Variants in DOCK6 observed in about 807,000 individuals in gnomAD.
The protein encoded by DOCK6 is dedicator of cytokinesis protein 6.
DOCK6 carries 167 observed loss-of-function variants against 230.3 expected under a neutral mutation model. The observed-to-expected ratio is 0.73, with a 90% CI of 0.64 to 0.82. The LOEUF is 0.82. DOCK6 is among the 40% of genes least tolerant of loss of function. DOCK6 has a pLI of 0.00. For synonymous variants in DOCK6, 1,148 were observed against 1,185.0 expected (o/e 0.97, Z 0.64); for missense variants, 2,598 against 2,825.8 (o/e 0.92, Z 1.83).
Position 11,208,735 on chromosome 19 carries a change from T to C in DOCK6, c.5039A>G (p.Glu1680Gly). Residue 1680 changes from glutamate to glycine, a missense_variant, in exon 39 of 48, where the codon GAG becomes GGG. Coordinates refer to ENST00000294618, the MANE Select transcript of DOCK6 (RefSeq NM_020812.4). Reference sequence around the variant, plus strand: ...TTCCAGCAACCCTACCAGCCCCAGCTCAGTGAAGTGCTTCCCGGAGCAGAA... The same window carrying C: ...TTCCAGCAACCCTACCAGCCCCAGCCCAGTGAAGTGCTTCCCGGAGCAGAA... ...EGFCSGKHFT[E>G]LGLVGLLEQA... The C allele has an allele frequency of 6.2e-7, 1 of 1,613,620 alleles. No homozygotes were observed. The highest frequency in any genetic ancestry group is 1.1e-5 in the South Asian group (1 of 91,086).
chr19:11,252,181 G>A lies in DOCK6; in HGVS notation c.445C>T (p.Leu149Phe). The change falls in exon 5 of 48, where the codon CTC (leucine) becomes TTC (phenylalanine). Residue 149 changes from leucine to phenylalanine, a missense_variant. Coordinates refer to ENST00000294618, the MANE Select transcript of DOCK6 (RefSeq NM_020812.4). ...TDTQRERQKG[L>F]PRQVFEQDAS... The stretch of plus-strand genomic sequence containing the variant: ...TCCTGCTCAAAGACCTGGCGGGGGA[G>A]GCCCTTCTGTCGCTCCCGCTGTGTG... 1 of 1,583,868 alleles carries A rather than the reference G, an allele frequency of 6.3e-7. No individual in the cohort carries two copies. Among genetic ancestry groups the A allele is most frequent in the South Asian group, 1.2e-5 (1 of 86,676 alleles).
At chr19:11,212,462 G>A (rs919633597) in intron 35 of DOCK6, among the ~76,000 whole-genome samples, 2 of 151,894 alleles carry the variant, frequency 1.3e-5, no homozygotes, top group South Asian at 2.1e-4. Flanking sequence ...TGCTGGTCTC[G>A]AACTCCTGAA....
chr19:11,227,362 A>G lies in DOCK6; in HGVS notation c.2930T>C (p.Leu977Pro). Residue 977 changes from leucine to proline, a missense_variant, in exon 24 of 48, where the codon CTG becomes CCG. Coordinates refer to ENST00000294618, the MANE Select transcript of DOCK6 (RefSeq NM_020812.4). ...CTTGTGGACACGGGTGATGACCTCCAGGCCCACAGAGCCCACCAAGGCAGT... is the reference window on the plus strand; with the variant it reads ...CTTGTGGACACGGGTGATGACCTCCGGGCCCACAGAGCCCACCAAGGCAGT... Reference protein sequence around the residue: ...DITALVGSVGLEVITRVHKDV... With the variant: ...DITALVGSVGPEVITRVHKDV... The G allele has an allele frequency of 6.2e-7, 1 of 1,613,840 alleles. No homozygotes were observed. The highest frequency in any genetic ancestry group is 8.5e-7 in the Non-Finnish European group (1 of 1,179,874).
chr19:11,201,006 T>G lies in DOCK6; in HGVS notation c.5735A>C (p.Lys1912Thr), dbSNP rs772984353. Residue 1912 changes from lysine to threonine, a missense_variant, in exon 45 of 48, where the codon AAG becomes ACG. Transcript: ENST00000294618. The surrounding 1 kb of genome is among the most constrained non-coding windows in gnomAD (Gnocchi z 4.3). ...GGTGGCAAAGGCCAGCTCCCGTGTC[T>G]TCTTCTGCATGTCCTCGATGGCCAC... ...VEVAIEDMQK[K>T]TRELAFATEQ... 1.9e-5 allele frequency: 31 copies of G among 1,613,806 alleles called. No homozygotes were observed. Among genetic ancestry groups the G allele is most frequent in the Middle Eastern group, 1.6e-4 (1 of 6,084 alleles).
At chr19:11,240,906 T>C (rs2079933373) in intron 14 of DOCK6, among the ~76,000 whole-genome samples, 1 of 152,026 alleles carries the variant, frequency 6.6e-6, no homozygotes, top group Non-Finnish European at 1.5e-5. Flanking sequence ...GGTAACATTT[T>C]GTGAGCACCC....
chr19:11,222,140 G>C lies in DOCK6; in HGVS notation c.3349C>G (p.Leu1117Val). 2.5e-6 allele frequency: 4 copies of C among 1,612,900 alleles called. No homozygotes were observed. Among genetic ancestry groups the C allele is most frequent in the Non-Finnish European group, 3.4e-6 (4 of 1,179,520 alleles). Residue 1117 changes from leucine to valine, a missense_variant, in exon 27 of 48, where the codon CTG (leucine) becomes GTG (valine). By Grantham distance (32) the Leu-to-Val change is conservative. Coordinates refer to ENST00000294618, the MANE Select transcript of DOCK6 (RefSeq NM_020812.4). The surrounding 1 kb of genome is among the most constrained non-coding windows in gnomAD (Gnocchi z 4.0). ...HFLAGLLLTELALALEPEAEG... is the reference protein window; with the variant it reads ...HFLAGLLLTEVALALEPEAEG... ...GCCTCAGGTTCGAGGGCCAGTGCCA[G>C]CTCCGTCAGCAGGAGCCCAGCTAGG...
rs1359584377 is a variant in DOCK6, at chr19:11,252,845, G to A, written c.246C>T (p.Asp82=). ...LRDLVEFPAD[D]LELLLQPREC... The stretch of plus-strand genomic sequence containing the variant: ...CCCGGGGCTGCAGCAGCAGCTCCAA[G>A]TCATCAGCTGGGAATTCTACCAGGT... The change falls in exon 3 of 48, where the codon GAC becomes GAT. Residue 82 remains aspartate, a synonymous_variant. Coordinates refer to ENST00000294618, the MANE Select transcript of DOCK6 (RefSeq NM_020812.4). 1 of 1,613,876 alleles carries A rather than the reference G, an allele frequency of 6.2e-7. No homozygotes were observed. Among genetic ancestry groups the A allele is most frequent in the South Asian group, 1.1e-5 (1 of 91,086 alleles).
At chr19:11,205,596 A>G (rs1465646243) in intron 39 of DOCK6, among the ~76,000 whole-genome samples, 1 of 148,576 alleles carries the variant, frequency 6.7e-6, no homozygotes, top group Non-Finnish European at 1.5e-5. Context: ...ACCCACCTCG[A>G]CCTCTCAAAG....
intron 28 of DOCK6, among the ~76,000 whole-genome samples, chr19:11,218,105 C>T (rs1028779548): frequency 1.3e-5 from 2 of 152,010 alleles, no homozygotes; most frequent in African/African-American, 2.4e-5. Flanking sequence ...CCGTCTCAGC[C>T]TTCCAAAGTG....
chr19:11,213,415 C>T, intron 34 of DOCK6, 87 bp from the exon 35 acceptor site: 2 of 1,522,276 alleles, frequency 1.3e-6, no homozygotes, highest in East Asian at 2.5e-5. Flanking sequence ...ACTGCTTGGG[C>T]AGGGGTTTGT....
In DOCK6 at chr19:11,262,513, C is replaced by A; in HGVS notation, c.-73G>T. The A allele has an allele frequency of 2.1e-6, 2 of 963,140 alleles. No individual in the cohort carries two copies. The highest frequency in any genetic ancestry group is 9.3e-5 in the South Asian group (2 of 21,562). 59.7% of individuals were successfully genotyped at this position (963,140 alleles called of 1,614,324 possible). A position where few individuals can be genotyped will look rare whatever the true frequency, so the allele number is the denominator to read the frequency against. ...GCCGCCGCCTCCCGGTTCTGGGCAG[C>A]CGGGGCGGGGCGGGGCCGGCGCGGG... On this transcript the variant is annotated 5_prime_UTR_variant, in exon 1 of 48. Transcript: ENST00000294618.
At chr19:11,210,452 GCCTGTTCACCCCTTCA>G (rs2079359100) in intron 37 of DOCK6, among the ~76,000 whole-genome samples, 1 of 104,968 alleles carries the variant, frequency 9.5e-6, no homozygotes, top group African/African-American at 3.8e-5. Flanking sequence ...CTGTCTCCTT[GCCTGTTCACCCCTTCA>G]CCTGTCCACC....
chr19:11,245,216 C>T (rs1044384594), intron 9 of DOCK6, among the ~76,000 whole-genome samples: 1 of 152,198 alleles, frequency 6.6e-6, no homozygotes, highest in African/African-American at 2.4e-5. Flanking sequence ...CTCCCAGAAA[C>T]AGAAAATCTC....
Position 11,202,409 on chromosome 19 carries a change from C to G in DOCK6, c.5436G>C (p.Lys1812Asn), listed in dbSNP as rs374823959. The change falls in exon 43 of 48, where the codon AAG (lysine) becomes AAC (asparagine). Residue 1812 changes from lysine (K) to asparagine (N), a missense_variant. Lys to Asn is a moderately conservative substitution (Grantham distance 94, BLOSUM62 0). Transcript: ENST00000294618. The surrounding 1 kb of genome is among the most constrained non-coding windows in gnomAD (Gnocchi z 5.3). ...GGGGACCCACCTTTTGTGAGTCAAG[C>G]TTGGACTTGTCCACAGGGTTAGAGT... ...IKDSNPVDKS[K>N]LDSQKAYIQI... The G allele has an allele frequency of 1.7e-5, 27 of 1,613,728 alleles. No homozygotes were observed. Among genetic ancestry groups the G allele is most frequent in the Admixed American group, 5.0e-5 (3 of 59,996 alleles).
chr19:11,209,841 C>T (rs368454029), intron 37 of DOCK6, among the ~76,000 whole-genome samples: 43 of 87,364 alleles, frequency 4.9e-4, no homozygotes, highest in South Asian at 4.9e-4. Context: ...CTGTCCACCC[C>T]CTCACCTGTC....
At chr19:11,215,649 C>A in intron 31 of DOCK6, 152 bp downstream of exon 31, 1 of 1,386,928 alleles carries the variant, frequency 7.2e-7, no homozygotes, top group Non-Finnish European at 1.0e-6. Context: ...TGGGGACGCA[C>A]AGGCGCATGT....
At chr19:11,251,862 T>G in intron 5 of DOCK6, 1 of 510,760 alleles carries the variant, frequency 2.0e-6, no homozygotes, top group South Asian at 2.5e-5. Flanking sequence ...TTGCTGTGCC[T>G]CAGTTTCCTT....
chr19:11,250,042 G>C (rs1360248153), intron 6 of DOCK6, among the ~76,000 whole-genome samples: 25 of 149,188 alleles, frequency 1.7e-4, no homozygotes, highest in Non-Finnish European at 3.3e-4. Context: ...ACAGAGTCTC[G>C]CTCTGTTGCC....
At position 11,201,050 on chromosome 19, in the gene DOCK6, C is replaced by T. The variant is rs759026232; in HGVS notation, c.5691G>A (p.Thr1897=). Reference sequence around the variant, plus strand: ...TGGCCACCTCCACTGGCGTCAGCACCGTCTGTGGGGTAAGGGGAGGGGTGT... The same window carrying T: ...TGGCCACCTCCACTGGCGTCAGCACTGTCTGTGGGGTAAGGGGAGGGGTGT... ...TRIRVCHREE[T]VLTPVEVAIE... The change falls in exon 45 of 48, where the codon ACG becomes ACA. Residue 1897 remains threonine (T), a splice_region_variant and synonymous_variant. Transcript: ENST00000294618. This position sits in a 1 kb window ranked among gnomAD's most constrained non-coding sequence, Gnocchi z 4.3. 22 of 1,613,452 alleles carry T rather than the reference C, an allele frequency of 1.4e-5. No homozygotes were observed. The highest frequency in any genetic ancestry group is 1.6e-4 in the Middle Eastern group (1 of 6,084).
Sources: gnomAD v4.1 joint callset for allele counts (sites outside exome capture counted in the v4.1 genomes callset) on GRCh38, gnomAD v4.1.1 for gene constraint, Gnocchi (gnomAD v3.1) non-coding constraint, MANE v1.5 for transcripts, NCBI Gene and HGNC (gene_info 2026-07-23, HGNC 2026-07-21) for gene names.